The following ASTN2 variants were observed in gnomAD, a reference collection of about 807,000 sequenced individuals.
ASTN2 encodes astrotactin 2.
ASTN2 carries 54 observed loss-of-function variants against 139.8 expected under a neutral mutation model. The observed-to-expected ratio is 0.39, with a 90% CI of 0.31 to 0.48. The LOEUF is 0.48. Ranked by LOEUF, ASTN2 falls within the 20% of genes least tolerant of loss-of-function variation. The probability of loss-of-function intolerance (pLI) is 0.95; values close to 1 mark genes in which losing one functional copy is unlikely to be tolerated. For synonymous variants in ASTN2, 756 were observed against 719.5 expected, an observed-to-expected ratio of 1.05 and a Z score of -0.81; for missense variants, 1,565 against 1,725.1, an observed-to-expected ratio of 0.91 and a Z score of 1.64.
intron 1 of ASTN2, among the ~76,000 whole-genome samples, chr9:117,396,548 T>C (rs915731808): frequency 3.3e-5 from 5 of 152,138 alleles, no homozygotes; most frequent in African/African-American, 1.2e-4. Context: ...CATATATTTA[T>C]GGGGTACATG....
chr9:116,967,368 C>T (rs915422917), intron 10 of ASTN2, among the ~76,000 whole-genome samples: 5 of 152,186 alleles, frequency 3.3e-5, no homozygotes, highest in Admixed American at 6.5e-5. Context: ...CTATTCACTT[C>T]GCCCAATACC....
intron 11 of ASTN2, among the ~76,000 whole-genome samples, chr9:116,832,929 TTTTTG>T (rs1432582153): frequency 7.9e-5 from 12 of 151,960 alleles, no homozygotes; most frequent in Admixed American, 6.6e-4. Flanking sequence ...TGGAAGATTT[TTTTTG>T]TTTTGTTTTA....
chr9:116,445,200 CTCATT>C (rs1459165190), intron 20 of ASTN2, among the ~76,000 whole-genome samples: 1 of 152,176 alleles, frequency 6.6e-6, no homozygotes, highest in Non-Finnish European at 1.5e-5. Context: ...CATACCACCT[CTCATT>C]TCTTTAGTTT....
chr9:116,788,726 AC>A (rs2132217981), intron 13 of ASTN2, among the ~76,000 whole-genome samples: 1 of 152,234 alleles, frequency 6.6e-6, no homozygotes, highest in Non-Finnish European at 1.5e-5. Context: ...TAAAACTGTG[AC>A]CCTTAGTATT....
At chr9:116,965,656 C>G (rs180774429) in intron 10 of ASTN2, among the ~76,000 whole-genome samples, 26 of 152,326 alleles carry the variant, frequency 1.7e-4, no homozygotes, top group Admixed American at 1.6e-3. Context: ...GAGCTGATCT[C>G]TTTCCCTTTC....
At chr9:116,979,946 A>G (rs1836460429) in intron 7 of ASTN2, among the ~76,000 whole-genome samples, 2 of 152,184 alleles carry the variant, frequency 1.3e-5, no homozygotes, top group Admixed American at 1.3e-4. Context: ...TTGTGCACTT[A>G]CCAGGCAAGT....
chr9:117,397,104 G>A (rs1830698175), intron 1 of ASTN2, among the ~76,000 whole-genome samples: 1 of 151,840 alleles, frequency 6.6e-6, no homozygotes. Context: ...ACCATGCCTG[G>A]CTAATTTTTT....
intron 11 of ASTN2, among the ~76,000 whole-genome samples, chr9:116,836,516 C>T (rs980280409): frequency 2.0e-5 from 3 of 152,136 alleles, no homozygotes; most frequent in African/African-American, 7.2e-5. Flanking sequence ...TATTGTCTAG[C>T]ATTTTTCTGT....
intron 4 of ASTN2, among the ~76,000 whole-genome samples, chr9:117,127,257 C>T (rs1829711903): frequency 2.6e-5 from 4 of 152,224 alleles, no homozygotes; most frequent in Admixed American, 2.6e-4. Flanking sequence ...TGGGACCCTT[C>T]TCCATGTTAC....
intron 7 of ASTN2, among the ~76,000 whole-genome samples, chr9:116,990,007 TTGTCTTTCTCTA>T: frequency 6.6e-6 from 1 of 152,348 alleles, no homozygotes; most frequent in East Asian, 1.9e-4. Flanking sequence ...TCTTTACTAT[TTGTCTTTCTCTA>T]TGTCTCCTTT....
intron 16 of ASTN2, chr9:116,687,361 G>T (rs1281801189): frequency 3.0e-6 from 2 of 662,492 alleles, no homozygotes; most frequent in African/African-American, 2.0e-5. Context: ...CGGTGGACTC[G>T]TCGGAGCCGC....
At chr9:117,312,927 C>T (rs780060567) in intron 1 of ASTN2, among the ~76,000 whole-genome samples, 5 of 152,202 alleles carry the variant, frequency 3.3e-5, no homozygotes, top group African/African-American at 4.8e-5. Flanking sequence ...GGTGCCCCTG[C>T]CTGTCTCAGT....
intron 19 of ASTN2, among the ~76,000 whole-genome samples, chr9:116,511,936 G>A (rs1381478140): frequency 6.6e-6 from 1 of 151,640 alleles, no homozygotes; most frequent in African/African-American, 2.4e-5. Context: ...CAATTTTGTT[G>A]ATCTTTTCAA....
At chr9:116,548,857 A>G (rs1337145065) in intron 19 of ASTN2, among the ~76,000 whole-genome samples, 2 of 152,214 alleles carry the variant, frequency 1.3e-5, no homozygotes, top group Non-Finnish European at 2.9e-5. Flanking sequence ...TCTGGGCAGC[A>G]GTACTTTTCA....
Position 116,725,832 on chromosome 9 carries a change from G to A in ASTN2, c.2745C>T (p.Thr915=), listed in dbSNP as rs1828605859. The change falls in exon 16 of 23, where the codon ACC becomes ACT. Residue 915 remains threonine, a synonymous_variant. Transcript: ENST00000313400. The part of the protein sequence containing the change: ...IAEALYGSEL[T]CIIHFPSKKV... ...TCTTGCTGGGAAAGTGGATGATGCA[G>A]GTGAGCTCTGAGCCATAGAGGGCCT... 6.2e-7 allele frequency: 1 copy of A among 1,613,894 alleles called. No individual in the cohort carries two copies. Among genetic ancestry groups the A allele is most frequent in the Non-Finnish European group, 8.5e-7 (1 of 1,180,028 alleles).
At chr9:116,988,524 A>G (rs1219364276) in intron 7 of ASTN2, among the ~76,000 whole-genome samples, 1 of 152,150 alleles carries the variant, frequency 6.6e-6, no homozygotes, top group Non-Finnish European at 1.5e-5. Context: ...AATCCACTTA[A>G]CCACCCTGTG....
intron 10 of ASTN2, among the ~76,000 whole-genome samples, chr9:116,917,971 G>A (rs773825112): frequency 1.9e-4 from 29 of 152,082 alleles, no homozygotes; most frequent in Non-Finnish European, 3.2e-4. Flanking sequence ...AATCATGGGG[G>A]CTGGTCTTTC....
chr9:117,358,521 G>GC (rs1183350897), intron 1 of ASTN2, among the ~76,000 whole-genome samples: 1 of 152,060 alleles, frequency 6.6e-6, no homozygotes, highest in Admixed American at 6.5e-5. Context: ...AAAGGGGCCA[G>GC]CATTAAACTG....
At chr9:117,202,898 A>T (rs1831774724) in intron 3 of ASTN2, among the ~76,000 whole-genome samples, 1 of 152,104 alleles carries the variant, frequency 6.6e-6, no homozygotes, top group South Asian at 2.1e-4. Context: ...AGGTTGGGGA[A>T]GTTCTCCTGA....
Sources: gnomAD v4.1 joint callset for allele counts (sites outside exome capture counted in the v4.1 genomes callset) on GRCh38, gnomAD v4.1.1 for gene constraint, MANE v1.5 for transcripts, NCBI Gene and HGNC (gene_info 2026-07-23, HGNC 2026-07-21) for gene names.